SAMD4A: variants seen among roughly 807,000 people sequenced by gnomAD.
SAMD4A encodes the protein sterile alpha motif domain containing 4A, also known as protein Smaug homolog 1.
In SAMD4A, 33 loss-of-function variants were observed where a neutral mutation model predicts 81.3. That is an observed-to-expected ratio of 0.41 (90% CI 0.31 to 0.54). The LOEUF (loss-of-function observed/expected upper bound fraction) is 0.54, where lower values mean the gene tolerates loss of function less well. Among genes scored for constraint, SAMD4A ranks in the 20% least tolerant of loss-of-function variants. SAMD4A has a pLI of 0.37. For missense variants in SAMD4A, 854 were observed against 951.1 expected (o/e 0.90, Z 1.34); for synonymous variants, 389 against 382.1 (o/e 1.02, Z -0.21).
chr14:54,750,067 T>C (rs907877372), intron 5 of SAMD4A, among the ~76,000 whole-genome samples: 20 of 152,338 alleles, frequency 1.3e-4, no homozygotes, highest in Admixed American at 2.6e-4. Flanking sequence ...TGATTGCTCC[T>C]TGAAATCCCA....
chr14:54,599,115 T>C (rs2033988353), intron 2 of SAMD4A, among the ~76,000 whole-genome samples: 1 of 152,186 alleles, frequency 6.6e-6, no homozygotes, highest in Non-Finnish European at 1.5e-5. Flanking sequence ...CCAGTGCACC[T>C]GGCCCTGTCC....
At chr14:54,631,666 T>C (rs2034906859) in intron 2 of SAMD4A, among the ~76,000 whole-genome samples, 1 of 152,212 alleles carries the variant, frequency 6.6e-6, no homozygotes, top group South Asian at 2.1e-4. Flanking sequence ...ACTTAAATAA[T>C]AACTGAAACT....
At position 54,773,417 on chromosome 14, in the gene SAMD4A, T is replaced by C. The variant is rs1354589012; in HGVS notation, c.1716-1517T>C. 2.6e-5 allele frequency among the ~76,000 whole-genome samples: 4 copies of C among 152,182 alleles called. No homozygotes were observed. In the East Asian group the frequency reaches 5.8e-4, roughly 22 times the overall value. On this transcript the variant is annotated intron_variant, in intron 9 of 12. Transcript: ENST00000554335. ...CAGATCTCTTCCATCTTGTGGCCAC[T>C]GGAGGTAAAACATTTTGACTTCAAC...
intron 6 of SAMD4A, among the ~76,000 whole-genome samples, chr14:54,757,433 T>C (rs1186989333): frequency 6.9e-6 from 1 of 144,104 alleles, no homozygotes; most frequent in Non-Finnish European, 1.5e-5. Flanking sequence ...GTGTGTTTTG[T>C]TTTGTTTTGT....
In SAMD4A at chr14:54,591,133, C is replaced by T. The variant is rs146218334; in HGVS notation, c.196+23021C>T. Among the ~76,000 whole-genome samples the T allele has an allele frequency of 7.4e-3, 1,120 of 152,222 alleles. 12 individuals carry two copies. The highest frequency in any genetic ancestry group is 0.025 in the African/African-American group (1,058 of 41,542). On this transcript the variant is annotated intron_variant, in intron 2 of 12. Transcript: ENST00000554335. ...CTTTTAGCACAGAATGATAGGGGTA[C>T]GTCGTGCGATACATGAGATAGTTGT... is the stretch of plus-strand genomic sequence containing the variant.
intron 6 of SAMD4A, among the ~76,000 whole-genome samples, chr14:54,755,945 A>T (rs2038228033): frequency 6.6e-6 from 1 of 152,128 alleles, no homozygotes; most frequent in Non-Finnish European, 1.5e-5. Flanking sequence ...ACACTCATGC[A>T]TTCACCTCAC....
intron 2 of SAMD4A, chr14:54,685,983 G>C: frequency 2.4e-6 from 1 of 418,252 alleles, no homozygotes; most frequent in Non-Finnish European, 4.8e-6. Flanking sequence ...TGATGCTCCT[G>C]TGAAGCTCAT....
At chr14:54,594,420 C>CAAA (rs11392875) in intron 2 of SAMD4A, among the ~76,000 whole-genome samples, 1 of 145,646 alleles carries the variant, frequency 6.9e-6, no homozygotes, top group African/African-American at 2.5e-5. Context: ...GAGACTGTCT[C>CAAA]AAAAAAAAAA....
At chr14:54,713,513 A>T (rs766765174) in intron 3 of SAMD4A, among the ~76,000 whole-genome samples, 6 of 152,194 alleles carry the variant, frequency 3.9e-5, no homozygotes, top group African/African-American at 1.4e-4. Context: ...AACTCCCAAC[A>T]TACTCCAGGG....
intron 2 of SAMD4A, among the ~76,000 whole-genome samples, chr14:54,573,254 A>G (rs1566527056): frequency 6.6e-6 from 1 of 152,196 alleles, no homozygotes; most frequent in Admixed American, 6.5e-5. Context: ...TCGCCTGGGC[A>G]CTCACGGCCT....
chr14:54,747,740 C>T (rs1218739523), intron 4 of SAMD4A, among the ~76,000 whole-genome samples: 1 of 152,158 alleles, frequency 6.6e-6, no homozygotes, highest in Non-Finnish European at 1.5e-5. Flanking sequence ...AGCTAGGAAT[C>T]AGGAGATCTG....
intron 11 of SAMD4A, among the ~76,000 whole-genome samples, chr14:54,779,428 A>T (rs1476624908): frequency 6.6e-6 from 1 of 152,234 alleles, no homozygotes; most frequent in Non-Finnish European, 1.5e-5. Flanking sequence ...AAACTGGGCA[A>T]ATCTTGAAGA....
intron 3 of SAMD4A, among the ~76,000 whole-genome samples, chr14:54,717,526 C>T (rs778242276): frequency 2.0e-5 from 3 of 151,880 alleles, no homozygotes; most frequent in Admixed American, 2.0e-4. Context: ...AATGTTAATA[C>T]CCCAACACAA....
At chr14:54,632,483 C>A (rs576888580) in intron 2 of SAMD4A, among the ~76,000 whole-genome samples, 2 of 152,294 alleles carry the variant, frequency 1.3e-5, no homozygotes, top group African/African-American at 4.8e-5. Flanking sequence ...CCTTATAGGT[C>A]TTTGCATAGA....
At chr14:54,612,768 TG>T (rs1374018004) in intron 2 of SAMD4A, among the ~76,000 whole-genome samples, 3 of 152,128 alleles carry the variant, frequency 2.0e-5, no homozygotes, top group South Asian at 4.1e-4. Flanking sequence ...GCATAGAAGA[TG>T]GGGTGGGAAG....
intron 2 of SAMD4A, among the ~76,000 whole-genome samples, chr14:54,581,952 C>T (rs950019496): frequency 2.0e-5 from 3 of 152,188 alleles, no homozygotes; most frequent in African/African-American, 7.2e-5. Flanking sequence ...AAAGAGAAGG[C>T]TTTCTTGTCA....
At chr14:54,743,972 T>G (rs189391029) in intron 4 of SAMD4A, among the ~76,000 whole-genome samples, 92 of 152,282 alleles carry the variant, frequency 6.0e-4, no homozygotes, top group Non-Finnish European at 1.1e-3. Flanking sequence ...TAGTGAAGAG[T>G]GGGTACCTTC....
At position 54,789,098 on chromosome 14, in the gene SAMD4A, T is replaced by C. The variant is rs529247944; in HGVS notation, c.*154T>C. The C allele has an allele frequency of 3.5e-5, 27 of 779,070 alleles. No homozygotes were observed. Among genetic ancestry groups the C allele is most frequent in the Non-Finnish European group, 4.6e-5 (21 of 456,512 alleles). The allele number at this position is 779,070 out of a possible 1,614,324, so 48.3% of individuals were successfully genotyped here. ...CGTTTTGATTTTGTGAGAGCGTAGGTCATCCTCGTAAACATATCAGTAGAC... is the reference window on the plus strand; with the variant it reads ...CGTTTTGATTTTGTGAGAGCGTAGGCCATCCTCGTAAACATATCAGTAGAC... On this transcript the variant is annotated 3_prime_UTR_variant, in exon 13 of 13. Transcript: ENST00000554335.
chr14:54,767,993 A>G (rs930365095), intron 8 of SAMD4A, among the ~76,000 whole-genome samples: 1 of 152,184 alleles, frequency 6.6e-6, no homozygotes, highest in African/African-American at 2.4e-5. Context: ...AGGCGCCAAC[A>G]TTCCCACCTT....
Sources: gnomAD v4.1 joint callset for allele counts (sites outside exome capture counted in the v4.1 genomes callset) on GRCh38, gnomAD v4.1.1 for gene constraint, MANE v1.5 for transcripts, NCBI Gene and HGNC (gene_info 2026-07-23, HGNC 2026-07-21) for gene names.